OPCML: variants seen among roughly 807,000 people sequenced by gnomAD.
OPCML encodes opioid binding protein/cell adhesion molecule like.
OPCML carries 13 observed loss-of-function variants against 37.8 expected under a neutral mutation model. That is an observed-to-expected ratio of 0.34 (90% CI 0.22 to 0.55). OPCML has a LOEUF of 0.55. Ranked by LOEUF, OPCML falls within the 20% of genes least tolerant of loss-of-function variation. OPCML has a pLI of 0.91. For synonymous variants in OPCML, 176 were observed against 168.8 expected (o/e 1.04, Z -0.33); for missense variants, 341 against 435.6 (o/e 0.78, Z 1.93).
chr11:132,920,708 G>T (rs938046605), intron 2 of OPCML, among the ~76,000 whole-genome samples: 2 of 151,980 alleles, frequency 1.3e-5, no homozygotes, highest in East Asian at 1.9e-4. Flanking sequence ...TTAATCTTTC[G>T]CACTCCCTGA....
chr11:133,241,051 C>T (rs1940712613), intron 1 of OPCML, among the ~76,000 whole-genome samples: 1 of 152,206 alleles, frequency 6.6e-6, no homozygotes, highest in Admixed American at 6.5e-5. Flanking sequence ...AAACGCAGCC[C>T]TTCCTCTTTC....
At chr11:133,489,897 T>C (rs1462484968) in intron 1 of OPCML, among the ~76,000 whole-genome samples, 2 of 151,796 alleles carry the variant, frequency 1.3e-5, no homozygotes, top group African/African-American at 4.8e-5. Flanking sequence ...CACACATACA[T>C]ATTTATACAT....
intron 1 of OPCML, among the ~76,000 whole-genome samples, chr11:132,977,161 T>A (rs965205764): frequency 2.6e-5 from 4 of 152,240 alleles, no homozygotes; most frequent in African/African-American, 9.6e-5. Context: ...AAATAATACA[T>A]GTGAAAGTGT....
At chr11:132,782,101 G>A (rs1947051557) in intron 2 of OPCML, among the ~76,000 whole-genome samples, 1 of 151,786 alleles carries the variant, frequency 6.6e-6, no homozygotes, top group Non-Finnish European at 1.5e-5. Context: ...TTGAAATGGA[G>A]GTTTTATTTT....
intron 1 of OPCML, among the ~76,000 whole-genome samples, chr11:133,225,617 GATC>G (rs1450745423): frequency 2.6e-5 from 4 of 152,206 alleles, no homozygotes; most frequent in African/African-American, 9.7e-5. Context: ...TGCCTCTAGA[GATC>G]ATCTAGTTCT....
At chr11:133,179,028 C>A (rs1937696326) in intron 1 of OPCML, among the ~76,000 whole-genome samples, 1 of 152,136 alleles carries the variant, frequency 6.6e-6, no homozygotes, top group African/African-American at 2.4e-5. Context: ...CCCCCTCCCC[C>A]ATTTTCCTCT....
At chr11:132,778,476 T>G (rs1195608303) in intron 2 of OPCML, among the ~76,000 whole-genome samples, 1 of 152,244 alleles carries the variant, frequency 6.6e-6, no homozygotes, top group African/African-American at 2.4e-5. Flanking sequence ...TAATTTAGTG[T>G]AAAGATAAAA....
At chr11:132,803,921 G>T (rs118072568) in intron 2 of OPCML, among the ~76,000 whole-genome samples, 1 of 152,150 alleles carries the variant, frequency 6.6e-6, no homozygotes, top group African/African-American at 2.4e-5. Flanking sequence ...ACTATTAACT[G>T]TTCTTATTTA....
At chr11:133,010,043 C>A (rs1363159574) in intron 1 of OPCML, among the ~76,000 whole-genome samples, 1 of 152,186 alleles carries the variant, frequency 6.6e-6, no homozygotes, top group African/African-American at 2.4e-5. Flanking sequence ...GCAATACAAC[C>A]AAAGAGTTTC....
intron 3 of OPCML, among the ~76,000 whole-genome samples, chr11:132,626,281 G>C (rs1237781698): frequency 6.6e-6 from 1 of 151,936 alleles, no homozygotes; most frequent in Non-Finnish European, 1.5e-5. Context: ...CCTGACAAGG[G>C]AGTACAGGTG....
At chr11:132,555,860 A>C (rs1006605485) in intron 3 of OPCML, among the ~76,000 whole-genome samples, 2 of 152,202 alleles carry the variant, frequency 1.3e-5, no homozygotes, top group African/African-American at 4.8e-5. Flanking sequence ...AAGTGAGATC[A>C]ACAAAGGATG....
At chr11:133,299,295 G>A (rs1475606212) in intron 1 of OPCML, 1 of 152,230 alleles carries the variant, frequency 6.6e-6, no homozygotes, top group Non-Finnish European at 1.5e-5. Context: ...TTGTTGCTGG[G>A]ACCCAAAGAA....
chr11:132,626,600 C>T (rs1939753120), intron 3 of OPCML, among the ~76,000 whole-genome samples: 1 of 151,852 alleles, frequency 6.6e-6, no homozygotes, highest in African/African-American at 2.4e-5. Context: ...GAATTTTTCT[C>T]CAGTAAGGGC....
intron 4 of OPCML, among the ~76,000 whole-genome samples, chr11:132,476,951 A>G (rs937366160): frequency 8.5e-5 from 13 of 152,238 alleles, no homozygotes; most frequent in African/African-American, 2.9e-4. Context: ...TTTAAAATTG[A>G]ATGCAAGTGT....
chr11:132,589,784 G>A (rs1370048819), intron 3 of OPCML, among the ~76,000 whole-genome samples: 2 of 152,210 alleles, frequency 1.3e-5, no homozygotes, highest in Non-Finnish European at 2.9e-5. Flanking sequence ...GGAGCAAGAT[G>A]AATTGGAAAG....
At chr11:133,171,417 C>T (rs760488548) in intron 1 of OPCML, among the ~76,000 whole-genome samples, 5 of 152,200 alleles carry the variant, frequency 3.3e-5, no homozygotes, top group Admixed American at 2.6e-4. Context: ...AACCGTGTGC[C>T]ACATCAGTCC....
intron 2 of OPCML, among the ~76,000 whole-genome samples, chr11:132,684,610 T>C (rs1028433948): frequency 1.3e-5 from 2 of 152,214 alleles, no homozygotes; most frequent in African/African-American, 4.8e-5. Context: ...AAAATAAATA[T>C]TATAATTATA....
At chr11:133,406,234 C>A (rs534015300) in intron 1 of OPCML, among the ~76,000 whole-genome samples, 2 of 152,188 alleles carry the variant, frequency 1.3e-5, no homozygotes, top group South Asian at 4.2e-4. Context: ...CCCTGGATAG[C>A]CCTAAGAGCT....
At chr11:133,140,876 A>AAGGAGAAGGAGAAGGAGAAGGAGAAGG (rs1299498405) in intron 1 of OPCML, among the ~76,000 whole-genome samples, 1 of 46,920 alleles carries the variant, frequency 2.1e-5, no homozygotes, top group Admixed American at 3.9e-4. Context: ...GACGACGAAG[A>AAGGAGAAGGAGAAGGAGAAGGAGAAGG]AGACGACGAC....
Sources: allele counts gnomAD v4.1 joint callset (sites outside exome capture counted in the v4.1 genomes callset), GRCh38; gene constraint gnomAD v4.1.1; transcripts MANE v1.5; gene names NCBI Gene and HGNC (gene_info 2026-07-23, HGNC 2026-07-21).